The following SLCO6A1 variants were observed in gnomAD, a reference collection of about 807,000 sequenced individuals.
SLCO6A1 encodes solute carrier organic anion transporter family member 6A1, also known as cancer/testis antigen 48.
A neutral mutation model predicts 72.7 loss-of-function variants in SLCO6A1; 65 were observed. That is an observed-to-expected ratio of 0.89 (90% CI 0.73 to 1.10). The LOEUF (loss-of-function observed/expected upper bound fraction) is 1.10. SLCO6A1 is among the 50% of genes least tolerant of loss of function. SLCO6A1 has a pLI of 0.00. For missense variants in SLCO6A1, 874 were observed against 872.6 expected (o/e 1.00, Z -0.02); for synonymous variants, 314 against 298.2 (o/e 1.05, Z -0.55).
At chr5:102,495,195 C>G (rs1444622417) in intron 1 of SLCO6A1, among the ~76,000 whole-genome samples, 1 of 152,150 alleles carries the variant, frequency 6.6e-6, no homozygotes, top group African/African-American at 2.4e-5. Context: ...ATGTAAGACT[C>G]TAATGACAGA....
At chr5:102,464,024 C>T (rs1456729009) in intron 4 of SLCO6A1, among the ~76,000 whole-genome samples, 5 of 151,728 alleles carry the variant, frequency 3.3e-5, no homozygotes, top group Admixed American at 6.6e-5. Flanking sequence ...ATGTAATGGA[C>T]TTTGGGGACT....
chr5:102,467,415 A>C (rs1029135777), intron 4 of SLCO6A1, among the ~76,000 whole-genome samples: 9 of 152,006 alleles, frequency 5.9e-5, no homozygotes, highest in Non-Finnish European at 1.0e-4. Flanking sequence ...CTCTTTAAAA[A>C]AAAAAATAAC....
intron 7 of SLCO6A1, among the ~76,000 whole-genome samples, chr5:102,429,594 G>T (rs915961700): frequency 3.9e-5 from 6 of 152,162 alleles, no homozygotes; most frequent in African/African-American, 1.4e-4. Flanking sequence ...AGTCAGGTTT[G>T]TTGAAGATCA....
intron 9 of SLCO6A1, among the ~76,000 whole-genome samples, chr5:102,406,610 T>C (rs1747681585): frequency 6.6e-6 from 1 of 152,100 alleles, no homozygotes; most frequent in Admixed American, 6.5e-5. Flanking sequence ...TATAAGTAGA[T>C]TCATAGGTGA....
rs576612820 is a variant in SLCO6A1 at position 102,420,076 on chromosome 5, T to C, written c.1277-55A>G. ...AAAAATAATCAGCTGATAGTACAGA[T>C]AATACATACATTGATACAATTTCCT... is the stretch of plus-strand genomic sequence containing the variant. On this transcript the variant is annotated intron_variant, in intron 7 of 13. Coordinates refer to ENST00000506729, the MANE Select transcript of SLCO6A1 (RefSeq NM_173488.5). The C allele has an allele frequency of 5.9e-6, 8 of 1,348,912 alleles. No homozygotes were observed. The East Asian group carries it at 1.7e-4, about 29-fold the overall frequency. The allele number at this position is 1,348,912 out of a possible 1,614,324, so 83.6% of individuals were successfully genotyped here.
At chr5:102,452,252 T>G (rs1561473204) in intron 6 of SLCO6A1, among the ~76,000 whole-genome samples, 1 of 152,350 alleles carries the variant, frequency 6.6e-6, no homozygotes, top group South Asian at 2.1e-4. Context: ...TCCACACATT[T>G]AGAGGGAGCT....
At chr5:102,383,644 G>A (rs1476413620) in intron 12 of SLCO6A1, among the ~76,000 whole-genome samples, 2 of 151,642 alleles carry the variant, frequency 1.3e-5, no homozygotes, top group African/African-American at 4.8e-5. Flanking sequence ...AGGGATATTG[G>A]CCCTTAATTT....
intron 5 of SLCO6A1, among the ~76,000 whole-genome samples, chr5:102,459,341 G>A (rs557072931): frequency 6.6e-6 from 1 of 152,118 alleles, no homozygotes; most frequent in Non-Finnish European, 1.5e-5. Context: ...GATGACTTGA[G>A]CCCAGAAGTT....
chr5:102,377,865 G>C (rs1745890860), intron 12 of SLCO6A1, among the ~76,000 whole-genome samples: 1 of 146,978 alleles, frequency 6.8e-6, no homozygotes, highest in South Asian at 2.1e-4. Context: ...GTACAGACAG[G>C]GTTTTGCCAT....
Position 102,399,626 on chromosome 5 carries a change from G to A in SLCO6A1, c.1743C>T (p.Phe581=). 1.9e-6 allele frequency: 3 copies of A among 1,607,346 alleles called. No homozygotes were observed. Among genetic ancestry groups the A allele is most frequent in the Non-Finnish European group, 1.7e-6 (2 of 1,175,682 alleles). The change falls in exon 10 of 14, where the codon TTC becomes TTT. Residue 581 remains phenylalanine, a synonymous_variant. Transcript: ENST00000506729. The stretch of plus-strand genomic sequence containing the variant: ...TAAGTGTAGAAAAGATAAAAGCAAT[G>A]AACAAAGGTAACTTATAGCACTTTG... ...CDAKCYKLPL[F]IAFIFSTLIF...
chr5:102,480,232 T>C lies in SLCO6A1; in HGVS notation c.561A>G (p.Leu187=). The change falls in exon 2 of 14, where the codon TTA becomes TTG. Residue 187 remains leucine (L), a synonymous_variant. Coordinates refer to ENST00000506729, the MANE Select transcript of SLCO6A1 (RefSeq NM_173488.5). ...SSFLIGLGSL[L]CAFPSINEEN... ...CTTCATTAATGGATGGAAAAGCACA[T>C]AAAAGTGATCCAAGTCCTATTAAAA... The C allele has an allele frequency of 1.2e-6, 2 of 1,612,816 alleles. No homozygotes were observed. Among genetic ancestry groups the C allele is most frequent in the African/African-American group, 1.3e-5 (1 of 74,996 alleles).
At position 102,498,500 on chromosome 5, in the gene SLCO6A1, C is replaced by A; in HGVS notation, c.345G>T (p.Leu115=). 1 of 1,613,186 alleles carries A rather than the reference C, an allele frequency of 6.2e-7. No homozygotes were observed. The change falls in exon 1 of 14, where the codon CTG becomes CTT. Residue 115 remains leucine, a synonymous_variant. Transcript: ENST00000506729. ...CTTCAGGCTCACCTTGACATATGAG[C>A]AGGATGCAGTAGAAAATCATGAAGC... ...IRCFMIFYCI[L]LICQGVVFGL...
intron 1 of SLCO6A1, among the ~76,000 whole-genome samples, chr5:102,496,615 T>C (rs919559491): frequency 3.3e-5 from 5 of 152,216 alleles, no homozygotes; most frequent in Non-Finnish European, 7.3e-5. Context: ...GTACCTTTTA[T>C]ATCCTTTCAG....
chr5:102,418,605 T>C (rs1189977699), intron 8 of SLCO6A1, among the ~76,000 whole-genome samples: 2 of 152,200 alleles, frequency 1.3e-5, no homozygotes, highest in African/African-American at 2.4e-5. Flanking sequence ...TGGATCATAT[T>C]ATCTCTCTAT....
intron 4 of SLCO6A1, among the ~76,000 whole-genome samples, chr5:102,472,315 T>C (rs1751669986): frequency 6.6e-6 from 1 of 152,092 alleles, no homozygotes; most frequent in African/African-American, 2.4e-5. Flanking sequence ...CCCAAGTGAG[T>C]TGCCAGGGGA....
chr5:102,498,925 C>A lies in SLCO6A1; in HGVS notation c.-81G>T, dbSNP rs1246947407. The A allele has an allele frequency of 7.3e-7, 1 of 1,368,816 alleles. No individual in the cohort carries two copies. The highest frequency in any genetic ancestry group is 9.9e-7 in the Non-Finnish European group (1 of 1,010,022). 84.8% of individuals were successfully genotyped at this position (1,368,816 alleles called of 1,614,324 possible). A position where few individuals can be genotyped will look rare whatever the true frequency, so the allele number is the denominator to read the frequency against. On this transcript the variant is annotated 5_prime_UTR_variant, in exon 1 of 14. Coordinates refer to ENST00000506729, the MANE Select transcript of SLCO6A1 (RefSeq NM_173488.5). ...CTGCCTGGGCCAACCCAAAGGCCAG[C>A]CTGGCGAGGGCGTCGGAGGACTCGG...
chr5:102,392,965 C>A (rs1162127519), intron 10 of SLCO6A1, among the ~76,000 whole-genome samples: 1 of 152,110 alleles, frequency 6.6e-6, no homozygotes, highest in Non-Finnish European at 1.5e-5. Flanking sequence ...TTTGTTTACG[C>A]ACTTCTCAAG....
At chr5:102,473,810 A>G (rs1751753997) in intron 4 of SLCO6A1, among the ~76,000 whole-genome samples, 1 of 152,040 alleles carries the variant, frequency 6.6e-6, no homozygotes, top group South Asian at 2.1e-4. Context: ...ATATCAACAC[A>G]CAAATATCAG....
At chr5:102,385,148 C>T (rs1315344489) in intron 12 of SLCO6A1, among the ~76,000 whole-genome samples, 1 of 152,130 alleles carries the variant, frequency 6.6e-6, no homozygotes. Flanking sequence ...TCTACTGTCT[C>T]TTGGCCTGCA....
Sources: allele counts gnomAD v4.1 joint callset (sites outside exome capture counted in the v4.1 genomes callset), GRCh38; gene constraint gnomAD v4.1.1; transcripts MANE v1.5; gene names NCBI Gene and HGNC (gene_info 2026-07-23, HGNC 2026-07-21).